WWC1: variants seen among roughly 807,000 people sequenced by gnomAD.
The protein encoded by WWC1 is protein KIBRA.
A neutral mutation model predicts 138.4 loss-of-function variants in WWC1; 55 were observed. That is an observed-to-expected ratio of 0.40 (90% CI 0.32 to 0.50). The LOEUF is 0.50. WWC1 is among the 20% of genes least tolerant of loss of function. WWC1 has a pLI of 0.72. For missense variants in WWC1, 1,226 were observed against 1,420.4 expected (o/e 0.86, Z 2.20); for synonymous variants, 524 against 564.9 (o/e 0.93, Z 1.03).
intron 3 of WWC1, 112 bp from the exon 4 acceptor site, chr5:168,397,612 G>T: frequency 1.9e-6 from 2 of 1,052,216 alleles, no homozygotes; most frequent in African/African-American, 3.1e-5. Flanking sequence ...GAACATTTAG[G>T]TTGTTCACTT....
chr5:168,457,826 C>T (rs1254637621), intron 19 of WWC1, among the ~76,000 whole-genome samples: 1 of 152,256 alleles, frequency 6.6e-6, no homozygotes, highest in Non-Finnish European at 1.5e-5. Context: ...GCCACTGCCA[C>T]TACTTACCAT....
chr5:168,339,716 C>A (rs899851927), intron 1 of WWC1, among the ~76,000 whole-genome samples: 1 of 152,294 alleles, frequency 6.6e-6, no homozygotes, highest in East Asian at 1.9e-4. Context: ...CAGTTACTTA[C>A]ATAGTCTAGG....
At chr5:168,456,498 G>A (rs1756337122) in intron 19 of WWC1, among the ~76,000 whole-genome samples, 2 of 152,000 alleles carry the variant, frequency 1.3e-5, no homozygotes, top group South Asian at 4.2e-4. Flanking sequence ...GTGCATGGTG[G>A]CACATGCTTG....
intron 3 of WWC1, among the ~76,000 whole-genome samples, chr5:168,394,762 T>C (rs899465336): frequency 2.0e-5 from 3 of 152,084 alleles, no homozygotes; most frequent in Non-Finnish European, 4.4e-5. Context: ...TAGAGGATAG[T>C]GAAGGGATGC....
chr5:168,327,656 T>C (rs1468012110), intron 1 of WWC1, among the ~76,000 whole-genome samples: 1 of 152,240 alleles, frequency 6.6e-6, no homozygotes, highest in Non-Finnish European at 1.5e-5. Context: ...GCTCTGGATC[T>C]GCTTTGTCTC....
At chr5:168,365,539 C>G (rs564797114) in intron 1 of WWC1, among the ~76,000 whole-genome samples, 1 of 152,306 alleles carries the variant, frequency 6.6e-6, no homozygotes, top group South Asian at 2.1e-4. Context: ...TTAGAAAAGG[C>G]ACATTGTCAG....
chr5:168,403,008 T>TCTTTCTC (rs1561711911), intron 5 of WWC1, among the ~76,000 whole-genome samples: 8 of 38,128 alleles, frequency 2.1e-4, no homozygotes, highest in African/African-American at 7.8e-4. Flanking sequence ...TTGTTTCTTT[T>TCTTTCTC]TCTTTCTTTC....
intron 21 of WWC1, among the ~76,000 whole-genome samples, chr5:168,467,252 C>T (rs1173808734): frequency 6.6e-6 from 1 of 152,174 alleles, no homozygotes; most frequent in Admixed American, 6.5e-5. Flanking sequence ...AGCGAGACTC[C>T]GTCTCAAAAC....
intron 1 of WWC1, among the ~76,000 whole-genome samples, chr5:168,301,896 A>T (rs1021347231): frequency 6.6e-6 from 1 of 152,162 alleles, no homozygotes; most frequent in East Asian, 1.9e-4. Context: ...CTGGCGGGCC[A>T]TGGCTCACCT....
intron 5 of WWC1, among the ~76,000 whole-genome samples, chr5:168,405,996 G>C (rs1372089690): frequency 2.0e-5 from 3 of 151,934 alleles, no homozygotes. Flanking sequence ...CAAAGTGTTG[G>C]GATTACAGGT....
chr5:168,471,635 C>G lies in WWC1; in HGVS notation c.*2618C>G, dbSNP rs1455752624. 1.3e-5 allele frequency: 2 copies of G among 152,262 alleles called. No homozygotes were observed. Among genetic ancestry groups the G allele is most frequent in the African/African-American group, 4.8e-5 (2 of 41,446 alleles). The allele number at this position is 152,262 out of a possible 1,614,324, so 9.4% of individuals were successfully genotyped here. ...TGTAAGTGACCCATCCCTTTGGCTCCCATGATTAGACCAAGGAGAGGCATG... is the reference window on the plus strand; with the variant it reads ...TGTAAGTGACCCATCCCTTTGGCTCGCATGATTAGACCAAGGAGAGGCATG... On this transcript the variant is annotated 3_prime_UTR_variant, in exon 23 of 23. Transcript: ENST00000265293.
intron 21 of WWC1, among the ~76,000 whole-genome samples, chr5:168,465,337 T>G (rs1039938114): frequency 2.6e-5 from 4 of 152,074 alleles, no homozygotes; most frequent in Non-Finnish European, 5.9e-5. Context: ...CCTGCCTCGA[T>G]GCCTGCCCAG....
At chr5:168,318,819 CA>C (rs1179121979) in intron 1 of WWC1, among the ~76,000 whole-genome samples, 1 of 152,146 alleles carries the variant, frequency 6.6e-6, no homozygotes, top group Non-Finnish European at 1.5e-5. Context: ...CTTGGCCTCC[CA>C]AAGTGCTGGG....
chr5:168,441,344 G>A (rs570290074), intron 15 of WWC1, among the ~76,000 whole-genome samples: 62 of 152,266 alleles, frequency 4.1e-4, no homozygotes, highest in African/African-American at 1.3e-3. Context: ...GATCTCTTTT[G>A]CAACAATGTG....
chr5:168,407,548 G>C (rs1779889096), intron 6 of WWC1, among the ~76,000 whole-genome samples: 1 of 152,190 alleles, frequency 6.6e-6, no homozygotes. Context: ...TCCTGCCCAG[G>C]ACAGCAGCCC....
At chr5:168,313,765 T>C (rs1658771664) in intron 1 of WWC1, among the ~76,000 whole-genome samples, 1 of 152,228 alleles carries the variant, frequency 6.6e-6, no homozygotes, top group Non-Finnish European at 1.5e-5. Flanking sequence ...CCTGTGCCTC[T>C]TTCTAGTTCA....
chr5:168,339,973 CTCTT>C (rs1462245042), intron 1 of WWC1, among the ~76,000 whole-genome samples: 25 of 109,402 alleles, frequency 2.3e-4, no homozygotes, highest in African/African-American at 4.4e-4. Flanking sequence ...CTCTCTGTCT[CTCTT>C]TCTCTCTTTC....
At chr5:168,361,464 C>G (rs1268656519) in intron 1 of WWC1, among the ~76,000 whole-genome samples, 1 of 152,194 alleles carries the variant, frequency 6.6e-6, no homozygotes, top group Non-Finnish European at 1.5e-5. Context: ...CATCTTGGTT[C>G]CTACCCAATG....
chr5:168,400,844 G>A (rs558026159), intron 5 of WWC1, among the ~76,000 whole-genome samples: 19 of 149,708 alleles, frequency 1.3e-4, no homozygotes, highest in African/African-American at 4.4e-4. Flanking sequence ...GAGAGAGAAG[G>A]GGAGGGGAGG....
Sources: gnomAD v4.1 joint callset for allele counts (sites outside exome capture counted in the v4.1 genomes callset) on GRCh38, gnomAD v4.1.1 for gene constraint, MANE v1.5 for transcripts, NCBI Gene and HGNC (gene_info 2026-07-23, HGNC 2026-07-21) for gene names.